SLC44A2: variants seen among roughly 807,000 people sequenced by gnomAD.
SLC44A2 encodes choline transporter-like protein 2.
In SLC44A2, 57 loss-of-function variants were observed where a neutral mutation model predicts 90.8. That is an observed-to-expected ratio of 0.63 (90% CI 0.51 to 0.78). SLC44A2 has a LOEUF of 0.78. Ranked by LOEUF, SLC44A2 falls within the 30% of genes least tolerant of loss-of-function variation. The pLI is 0.00. For synonymous variants in SLC44A2, 355 were observed against 360.7 expected, an observed-to-expected ratio of 0.98 and a Z score of 0.18; for missense variants, 794 against 919.7, an observed-to-expected ratio of 0.86 and a Z score of 1.77.
At chr19:10,605,580 G>GGGA (rs1486105012) in intron 1 of SLC44A2, among the ~76,000 whole-genome samples, 1 of 151,854 alleles carries the variant, frequency 6.6e-6, no homozygotes, top group East Asian at 1.9e-4. Context: ...CCAGCTACTC[G>GGGA]GGAGGCTGAG....
chr19:10,602,849 G>C (rs1184558100), intron 1 of SLC44A2, among the ~76,000 whole-genome samples: 2 of 152,288 alleles, frequency 1.3e-5, no homozygotes, highest in South Asian at 2.1e-4. Context: ...GATGGCGGGC[G>C]GGGGAGGGGA....
At chr19:10,622,734 C>T (rs139008481), upstream of SLC44A2, among the ~76,000 whole-genome samples, 636 of 152,132 alleles carry the variant, frequency 4.2e-3, 5 homozygotes, top group African/African-American at 0.015. Flanking sequence ...GACCCTGTCT[C>T]TACTAAAAAT....
chr19:10,638,794 C>T (rs1203677226), intron 20 of SLC44A2, among the ~76,000 whole-genome samples: 1 of 151,266 alleles, frequency 6.6e-6, no homozygotes, highest in African/African-American at 2.4e-5. Flanking sequence ...GCCACCACAC[C>T]TGGCTAACTT....
chr19:10,629,512 AG>A (rs1335235323), intron 4 of SLC44A2, among the ~76,000 whole-genome samples: 1 of 151,494 alleles, frequency 6.6e-6, no homozygotes, highest in Non-Finnish European at 1.5e-5. Context: ...TCCTGACCTC[AG>A]GTTATCTGCC....
At chr19:10,632,228 GCCCAT>G in intron 10 of SLC44A2, 72 bp downstream of exon 10, 3 of 1,415,336 alleles carry the variant, frequency 2.1e-6, no homozygotes, top group Non-Finnish European at 3.0e-6. Flanking sequence ...CGTGGAAATG[GCCCAT>G]CAGGAAAACA....
At position 10,634,979 on chromosome 19, in the gene SLC44A2, A is replaced by T; in HGVS notation, c.961A>T (p.Ile321Phe). The change falls in exon 12 of 22, where the codon ATT (isoleucine) becomes TTT (phenylalanine). Residue 321 changes from isoleucine (I) to phenylalanine (F), a missense_variant. Ile to Phe is a conservative substitution (Grantham distance 21). This residue lies in a region of SLC44A2 where 738 missense variants were observed against 841.1 expected (regional missense o/e 0.88). Coordinates refer to ENST00000335757, the MANE Select transcript of SLC44A2 (RefSeq NM_020428.4). ...TCAGCCTTTGCCCTTTGCAGTGATC[A>T]TTCTGAGTATCCTTGAAGTCATTAT... The part of the protein sequence containing the change: ...LRQTWLAFMI[I>F]LSILEVIIIL... 1 of 1,614,128 alleles carries T rather than the reference A, an allele frequency of 6.2e-7. No individual in the cohort carries two copies. Among genetic ancestry groups the T allele is most frequent in the South Asian group, 1.1e-5 (1 of 91,080 alleles).
upstream of SLC44A2, among the ~76,000 whole-genome samples, chr19:10,622,442 A>G (rs1394139446): frequency 6.6e-6 from 1 of 152,064 alleles, no homozygotes; most frequent in Non-Finnish European, 1.5e-5. Context: ...GTGTTGGTCC[A>G]GGCAGGAGAT....
intron 20 of SLC44A2, among the ~76,000 whole-genome samples, chr19:10,638,875 C>A (rs1447265982): frequency 6.6e-6 from 1 of 151,428 alleles, no homozygotes; most frequent in Non-Finnish European, 1.5e-5. Context: ...TCTCAGCTCA[C>A]TGCAACCTCC....
chr19:10,626,383 T>C, intron 2 of SLC44A2, 82 bp downstream of exon 2: 1 of 1,022,548 alleles, frequency 9.8e-7, no homozygotes, highest in Non-Finnish European at 1.5e-6. Flanking sequence ...CCATCTGTTC[T>C]CCAACAAACT....
chr19:10,632,227 G>C (rs948989121), intron 10 of SLC44A2, 71 bp downstream of exon 10: 2 of 1,415,992 alleles, frequency 1.4e-6, no homozygotes, highest in Admixed American at 1.8e-5. Context: ...CCGTGGAAAT[G>C]GCCCATCAGG....
At chr19:10,632,780 C>G (rs2067011562) in intron 10 of SLC44A2, among the ~76,000 whole-genome samples, 1 of 150,230 alleles carries the variant, frequency 6.7e-6, no homozygotes, top group African/African-American at 2.4e-5. Context: ...CCAAGCTATT[C>G]TCCTGCCTCA....
chr19:10,641,433 T>C (rs1290638358), intron 20 of SLC44A2: 2 of 437,110 alleles, frequency 4.6e-6, no homozygotes, highest in Non-Finnish European at 9.0e-6. Context: ...CTAGGTGTCG[T>C]AGGTGGTTTC....
At chr19:10,642,985 G>T in intron 21 of SLC44A2, 1 of 1,582,656 alleles carries the variant, frequency 6.3e-7, no homozygotes, top group Middle Eastern at 1.7e-4. Flanking sequence ...AGGGGAGTGC[G>T]GAGGAGGGGA....
chr19:10,615,377 C>A (rs2066847036), intron 1 of SLC44A2, among the ~76,000 whole-genome samples: 1 of 151,776 alleles, frequency 6.6e-6, no homozygotes, highest in South Asian at 2.1e-4. Context: ...AGTTTGAGAC[C>A]AGCCTGGCCA....
chr19:10,616,554 C>T (rs1409471270), intron 1 of SLC44A2, among the ~76,000 whole-genome samples: 1 of 151,908 alleles, frequency 6.6e-6, no homozygotes, highest in African/African-American at 2.4e-5. Context: ...TGTCCTGTCT[C>T]TATTTTCACT....
chr19:10,641,244 A>C, intron 20 of SLC44A2: 1 of 355,306 alleles, frequency 2.8e-6, no homozygotes, highest in South Asian at 2.1e-5. Context: ...AAATACAAAA[A>C]TTAGCTGGGT....
Position 10,636,670 on chromosome 19 carries a change from C to T in SLC44A2, c.1505C>T (p.Thr502Ile), listed in dbSNP as rs745375690. Residue 502 changes from threonine to isoleucine, a missense_variant, in exon 16 of 22, where the codon ACA becomes ATA. Thr to Ile is a moderately conservative substitution (Grantham distance 89). This residue lies in a region of SLC44A2 where 738 missense variants were observed against 841.1 expected (regional missense o/e 0.88). Coordinates refer to ENST00000335757, the MANE Select transcript of SLC44A2 (RefSeq NM_020428.4). ...SAFGRALRYH[T>I]GSLAFGALIL... Reference sequence around the variant, plus strand: ...ACTCCCTCGGCCCGCAGGTACCACACAGGCTCCCTGGCCTTTGGCGCGCTC... The same window carrying T: ...ACTCCCTCGGCCCGCAGGTACCACATAGGCTCCCTGGCCTTTGGCGCGCTC... The T allele has an allele frequency of 8.1e-6, 13 of 1,613,184 alleles. No individual in the cohort carries two copies. The Admixed American group carries it at 1.5e-4, about 19-fold the overall frequency.
intron 1 of SLC44A2, among the ~76,000 whole-genome samples, chr19:10,608,208 G>T (rs1264875212): frequency 7.4e-5 from 11 of 149,030 alleles, no homozygotes; most frequent in African/African-American, 2.7e-4. Context: ...GGGCAACAGA[G>T]CGAGACTCCG....
Position 10,638,077 on chromosome 19 carries a change from G to A in SLC44A2, c.1824G>A (p.Leu608=), listed in dbSNP as rs1024859044. ...TCCTCTTCCTGTTGGGCAAACTTCT[G>A]ATCGTTGGTAGTGTGGGTGAGTGCC... ...TDFLFLLGKL[L]IVGSVGILAF... Residue 608 remains leucine, a synonymous_variant, in exon 19 of 22, where the codon CTG becomes CTA. Coordinates refer to ENST00000335757, the MANE Select transcript of SLC44A2 (RefSeq NM_020428.4). The A allele has an allele frequency of 2.5e-6, 4 of 1,613,848 alleles. No homozygotes were observed. The highest frequency in any genetic ancestry group is 3.4e-6 in the Non-Finnish European group (4 of 1,179,988).
Sources: gnomAD v4.1 joint callset for allele counts (sites outside exome capture counted in the v4.1 genomes callset) on GRCh38, gnomAD v4.1.1 for gene constraint, gnomAD v4.1.1 regional missense constraint, MANE v1.5 for transcripts, NCBI Gene and HGNC (gene_info 2026-07-23, HGNC 2026-07-21) for gene names.